OPCML: variants seen among roughly 807,000 people sequenced by gnomAD.
OPCML encodes opioid-binding protein/cell adhesion molecule.
In OPCML, 13 loss-of-function variants were observed where a neutral mutation model predicts 37.8. The observed-to-expected ratio is 0.34, with a 90% CI of 0.22 to 0.55. The LOEUF (loss-of-function observed/expected upper bound fraction) is 0.55, where lower values mean the gene tolerates loss of function less well. Ranked by LOEUF, OPCML falls within the 20% of genes least tolerant of loss-of-function variation. The pLI, the probability that OPCML is intolerant of heterozygous loss-of-function variation, is 0.91. For missense variants in OPCML, 341 were observed against 435.6 expected (o/e 0.78, Z 1.93); for synonymous variants, 176 against 168.8 (o/e 1.04, Z -0.33).
intron 2 of OPCML, among the ~76,000 whole-genome samples, chr11:132,812,668 C>T (rs1487135052): frequency 1.3e-5 from 2 of 152,168 alleles, no homozygotes; most frequent in African/African-American, 4.8e-5. Flanking sequence ...ATTCTACTTC[C>T]AGCTACATTT....
At chr11:133,121,112 G>A (rs998548902) in intron 1 of OPCML, among the ~76,000 whole-genome samples, 1 of 152,018 alleles carries the variant, frequency 6.6e-6, no homozygotes, top group Admixed American at 6.6e-5. Flanking sequence ...TACTAGAGAC[G>A]GGTTTCATGT....
At chr11:132,784,836 T>C (rs924683946) in intron 2 of OPCML, among the ~76,000 whole-genome samples, 11 of 152,176 alleles carry the variant, frequency 7.2e-5, no homozygotes, top group African/African-American at 7.2e-5. Context: ...TCTACCATGA[T>C]TGGAAGCTCC....
intron 1 of OPCML, among the ~76,000 whole-genome samples, chr11:133,521,576 C>T (rs1014732187): frequency 1.3e-5 from 2 of 152,160 alleles, no homozygotes; most frequent in Non-Finnish European, 2.9e-5. Flanking sequence ...ATGCAAAATC[C>T]TGATAGTGGT....
intron 1 of OPCML, among the ~76,000 whole-genome samples, chr11:133,039,895 G>A (rs957312265): frequency 1.3e-5 from 2 of 151,946 alleles, no homozygotes; most frequent in African/African-American, 2.4e-5. Context: ...TGGGTATGGT[G>A]GTGGGCACCT....
chr11:132,615,613 T>C (rs1326731585), intron 3 of OPCML, among the ~76,000 whole-genome samples: 2 of 152,140 alleles, frequency 1.3e-5, no homozygotes, highest in Non-Finnish European at 2.9e-5. Flanking sequence ...CTAGAAGTGA[T>C]TTATATGAGA....
At chr11:133,517,143 G>T (rs748986983) in intron 1 of OPCML, among the ~76,000 whole-genome samples, 1 of 152,218 alleles carries the variant, frequency 6.6e-6, no homozygotes, top group Non-Finnish European at 1.5e-5. Context: ...CCAAAGAGGT[G>T]CTTGTCCTCA....
chr11:132,535,166 T>C (rs1342985945), intron 3 of OPCML, among the ~76,000 whole-genome samples: 1 of 151,798 alleles, frequency 6.6e-6, no homozygotes, highest in African/African-American at 2.4e-5. Flanking sequence ...ATAAACACTC[T>C]AGCTACCAGA....
rs148560383 is a variant in OPCML at position 133,174,749 on chromosome 11, TCTGA to T, written c.62-231743_62-231740del. Among the ~76,000 whole-genome samples the T allele has an allele frequency of 0.016, 2,308 of 147,174 alleles. 60 individuals are homozygous for T. The highest frequency in any genetic ancestry group is 0.058 in the African/African-American group (2,172 of 37,440). On this transcript the variant is annotated intron_variant, in intron 1 of 7. Transcript: ENST00000524381. This position sits in a 1 kb window ranked among gnomAD's most constrained non-coding sequence, Gnocchi z 4.6. ...GTTTGCCTATCTATATTTTCATCTC[TCTGA>T]CTGTTTTAGTCATTCAACTCTATAT...
In OPCML at chr11:132,620,885, G is replaced by T. The variant is rs541525243; in HGVS notation, c.379+36202C>A. Among the ~76,000 whole-genome samples, 3 of 152,326 alleles carry T rather than the reference G, an allele frequency of 2.0e-5. No homozygotes were observed. In the East Asian group the frequency reaches 5.8e-4, roughly 29 times the overall value. Reference sequence around the variant, plus strand: ...CCTGAAGAATCACATTTCATCTGAGGTTGGGTGCAGCAGAGGAGCCAGAGA... The same window carrying T: ...CCTGAAGAATCACATTTCATCTGAGTTTGGGTGCAGCAGAGGAGCCAGAGA... On this transcript the variant is annotated intron_variant, in intron 3 of 7. Coordinates refer to ENST00000524381, the MANE Select transcript of OPCML (RefSeq NM_001012393.5).
At chr11:132,977,032 C>G (rs1429865641) in intron 1 of OPCML, among the ~76,000 whole-genome samples, 1 of 152,186 alleles carries the variant, frequency 6.6e-6, no homozygotes, top group Non-Finnish European at 1.5e-5. Context: ...CCTCTGCTCC[C>G]TGCCTGCACG....
chr11:132,892,533 C>A (rs1300359782), intron 2 of OPCML, among the ~76,000 whole-genome samples: 2 of 152,142 alleles, frequency 1.3e-5, no homozygotes, highest in Non-Finnish European at 2.9e-5. Context: ...TTTTGGGAGG[C>A]CGAGGCGGGT....
intron 3 of OPCML, among the ~76,000 whole-genome samples, chr11:132,619,690 A>AT: frequency 6.6e-6 from 1 of 151,098 alleles, no homozygotes; most frequent in South Asian, 2.1e-4. Context: ...TACCAAAAAA[A>AT]AAAAAAAAAA....
At chr11:133,020,301 G>A (rs561282986) in intron 1 of OPCML, among the ~76,000 whole-genome samples, 7 of 152,298 alleles carry the variant, frequency 4.6e-5, no homozygotes, top group Middle Eastern at 6.8e-3. Flanking sequence ...TTGCAAGCCC[G>A]CCTCAGCTGG....
intron 1 of OPCML, among the ~76,000 whole-genome samples, chr11:133,452,495 T>G (rs943951553): frequency 2.6e-5 from 4 of 151,318 alleles, no homozygotes; most frequent in Admixed American, 1.3e-4. Context: ...TCTGGTAAAG[T>G]GGAGAGAGTA....
chr11:132,741,774 C>T (rs540995083), intron 2 of OPCML, among the ~76,000 whole-genome samples: 13 of 152,130 alleles, frequency 8.5e-5, no homozygotes, highest in African/African-American at 2.9e-4. Flanking sequence ...TGCATGTAAT[C>T]CCAGCACTTT....
At chr11:133,420,789 A>T (rs1228188513) in intron 1 of OPCML, 1 of 985,320 alleles carries the variant, frequency 1.0e-6, no homozygotes, top group East Asian at 1.1e-4. Context: ...AATTTTTCCC[A>T]ATATGGTATT....
chr11:132,514,449 G>A (rs891137312), intron 4 of OPCML, among the ~76,000 whole-genome samples: 23 of 152,134 alleles, frequency 1.5e-4, no homozygotes, highest in Non-Finnish European at 1.3e-4. Context: ...ATTTGAGATA[G>A]CAACACTAGG....
At chr11:133,295,237 TTTC>T (rs1161698205) in intron 1 of OPCML, among the ~76,000 whole-genome samples, 3 of 152,218 alleles carry the variant, frequency 2.0e-5, no homozygotes, top group Non-Finnish European at 2.9e-5. Context: ...GGTTTAAAGA[TTTC>T]TTCATTTGTT....
chr11:132,800,863 C>A (rs991802783), intron 2 of OPCML, among the ~76,000 whole-genome samples: 2 of 152,076 alleles, frequency 1.3e-5, no homozygotes, highest in African/African-American at 4.8e-5. Context: ...TAGTTTTTTA[C>A]ATGTGATGTA....
Sources: allele counts gnomAD v4.1 joint callset (sites outside exome capture counted in the v4.1 genomes callset), GRCh38; gene constraint gnomAD v4.1.1; non-coding constraint Gnocchi (gnomAD v3.1); transcripts MANE v1.5; gene names NCBI Gene and HGNC (gene_info 2026-07-23, HGNC 2026-07-21).